The following CFAP299 variants were observed in gnomAD, a reference collection of about 807,000 sequenced individuals.
CFAP299 encodes the protein cilia and flagella associated protein 299.
CFAP299 carries 21 observed loss-of-function variants against 27.0 expected under a neutral mutation model. That is an observed-to-expected ratio of 0.78 (90% CI 0.55 to 1.12). The LOEUF (loss-of-function observed/expected upper bound fraction) is 1.12. Among genes scored for constraint, CFAP299 ranks in the 50% most tolerant of loss-of-function variants. The probability of loss-of-function intolerance (pLI) is 0.00; values close to 1 mark genes in which losing one functional copy is unlikely to be tolerated. For synonymous variants in CFAP299, 104 were observed against 98.1 expected, an observed-to-expected ratio of 1.06 and a Z score of -0.36; for missense variants, 310 against 276.6, an observed-to-expected ratio of 1.12 and a Z score of -0.86.
intron 1 of CFAP299, among the ~76,000 whole-genome samples, chr4:80,345,355 A>G (rs1201228064): frequency 1.3e-5 from 2 of 152,014 alleles, no homozygotes; most frequent in African/African-American, 4.8e-5. Context: ...TATATGTGCC[A>G]TGTTGGTGTG....
chr4:80,564,887 TA>T (rs1172816130), intron 2 of CFAP299, among the ~76,000 whole-genome samples: 1 of 151,902 alleles, frequency 6.6e-6, no homozygotes, highest in Non-Finnish European at 1.5e-5. Flanking sequence ...AAAAAATATT[TA>T]AAAAGTAATC....
At chr4:80,689,296 G>T (rs910059040) in intron 3 of CFAP299, among the ~76,000 whole-genome samples, 11 of 151,560 alleles carry the variant, frequency 7.3e-5, no homozygotes, top group African/African-American at 2.4e-4. Context: ...CAGAGAGAAA[G>T]GTCGGGTTAC....
At chr4:80,525,720 A>G (rs1386636093) in intron 2 of CFAP299, among the ~76,000 whole-genome samples, 1 of 152,080 alleles carries the variant, frequency 6.6e-6, no homozygotes, top group African/African-American at 2.4e-5. Flanking sequence ...TCCTCTTGCC[A>G]CAGGGTCTCT....
At chr4:80,518,941 G>T (rs987266065) in intron 2 of CFAP299, among the ~76,000 whole-genome samples, 19 of 152,214 alleles carry the variant, frequency 1.2e-4, no homozygotes, top group African/African-American at 4.1e-4. Flanking sequence ...AAAAGTACTG[G>T]CAAGTGAAGT....
chr4:80,799,225 AT>A (rs1380739294), intron 3 of CFAP299, among the ~76,000 whole-genome samples: 2 of 117,124 alleles, frequency 1.7e-5, no homozygotes, highest in Admixed American at 2.4e-4. Flanking sequence ...GTATAAATAT[AT>A]TTATATAATA....
At chr4:80,658,802 G>C (rs1373136174) in intron 3 of CFAP299, among the ~76,000 whole-genome samples, 2 of 152,130 alleles carry the variant, frequency 1.3e-5, no homozygotes, top group African/African-American at 4.8e-5. Flanking sequence ...TTAGTGACAA[G>C]TGTGTTGAAA....
In CFAP299 at chr4:80,559,965, G is replaced by A. The variant is rs376909300; in HGVS notation, c.243-23128G>A. Among the ~76,000 whole-genome samples, 773 of 152,244 alleles carry A rather than the reference G, an allele frequency of 5.1e-3. 5 individuals carry two copies. The highest frequency in any genetic ancestry group is 0.02 in the Middle Eastern group (6 of 294). On this transcript the variant is annotated intron_variant, in intron 2 of 5. Transcript: ENST00000358105. The stretch of plus-strand genomic sequence containing the variant: ...TAGGCCTAGAGACAGTGGACTAAGG[G>A]ATCACATAACATACTGAGACACCAG...
intron 3 of CFAP299, among the ~76,000 whole-genome samples, chr4:80,769,900 G>T (rs1190749546): frequency 6.6e-6 from 1 of 152,132 alleles, no homozygotes; most frequent in Non-Finnish European, 1.5e-5. Context: ...CTGTCTTCTT[G>T]CTTATTATCA....
intron 2 of CFAP299, among the ~76,000 whole-genome samples, chr4:80,363,303 T>C (rs1723644452): frequency 6.6e-6 from 1 of 152,318 alleles, no homozygotes; most frequent in South Asian, 2.1e-4. Flanking sequence ...CACTAACTTT[T>C]GTTTATATGC....
At chr4:80,616,182 A>G (rs1738264439) in intron 3 of CFAP299, among the ~76,000 whole-genome samples, 1 of 152,120 alleles carries the variant, frequency 6.6e-6, no homozygotes, top group Admixed American at 6.6e-5. Flanking sequence ...TCACCTGTGT[A>G]TCTATGGTGC....
chr4:80,370,539 A>G (rs754624020), intron 2 of CFAP299, among the ~76,000 whole-genome samples: 8 of 152,250 alleles, frequency 5.3e-5, no homozygotes, highest in Non-Finnish European at 1.0e-4. Context: ...TCCAGGATAC[A>G]ATGGGGGATA....
In CFAP299 at chr4:80,362,840, A is replaced by G; in HGVS notation, c.198A>G (p.Lys66=). Residue 66 remains lysine (K), a synonymous_variant, in exon 2 of 6, where the codon AAA becomes AAG. Transcript: ENST00000358105. ...RVKREDFEAR[K]AAIEIARLAE... is the part of the protein sequence containing the mutation. ...AAAGGGAAGATTTTGAAGCAAGGAA[A>G]GCGGCTATAGAGATTGCAAGACTGG... is the stretch of plus-strand genomic sequence containing the variant. 2 of 1,613,104 alleles carry G rather than the reference A, an allele frequency of 1.2e-6. No individual in the cohort carries two copies. The highest frequency in any genetic ancestry group is 1.7e-6 in the Non-Finnish European group (2 of 1,179,768).
At chr4:80,451,403 A>G (rs1035613050) in intron 2 of CFAP299, among the ~76,000 whole-genome samples, 8 of 152,226 alleles carry the variant, frequency 5.3e-5, no homozygotes, top group African/African-American at 1.9e-4. Context: ...GACATCAACA[A>G]ACACATGAAT....
Position 80,362,809 on chromosome 4 carries a change from G to A in CFAP299, c.167G>A (p.Arg56Lys), listed in dbSNP as rs754991557. The A allele has an allele frequency of 1.9e-6, 3 of 1,613,380 alleles. No individual in the cohort carries two copies. The Middle Eastern group carries it at 4.9e-4, about 265-fold the overall frequency. Reference sequence around the variant, plus strand: ...CTAGGCTACCGAGGGACTGGAGAGAGAGTGAAAAGGGAAGATTTTGAAGCA... The same window carrying A: ...CTAGGCTACCGAGGGACTGGAGAGAAAGTGAAAAGGGAAGATTTTGAAGCA... Reference protein sequence around the residue: ...VELGYRGTGERVKREDFEARK... With the variant: ...VELGYRGTGEKVKREDFEARK... Residue 56 changes from arginine to lysine, a missense_variant, in exon 2 of 6, where the codon AGA becomes AAA. Transcript: ENST00000358105.
chr4:80,876,158 AATATT>A (rs1282771295), intron 4 of CFAP299, among the ~76,000 whole-genome samples: 12 of 148,476 alleles, frequency 8.1e-5, no homozygotes, highest in African/African-American at 2.2e-4. Context: ...TACATTTATA[AATATT>A]ATATTATATA....
At chr4:80,940,264 C>A (rs967237740) in intron 4 of CFAP299, among the ~76,000 whole-genome samples, 1 of 152,110 alleles carries the variant, frequency 6.6e-6, no homozygotes, top group Non-Finnish European at 1.5e-5. Flanking sequence ...TAGTTCCCCC[C>A]AAGACTATTT....
chr4:80,860,805 T>C (rs1732286197), intron 3 of CFAP299, among the ~76,000 whole-genome samples: 1 of 152,186 alleles, frequency 6.6e-6, no homozygotes, highest in South Asian at 2.1e-4. Context: ...GTGTGAGGTG[T>C]CAGTCTGCCC....
At chr4:80,443,635 C>T (rs1351843360) in intron 2 of CFAP299, among the ~76,000 whole-genome samples, 1 of 152,138 alleles carries the variant, frequency 6.6e-6, no homozygotes, top group East Asian at 1.9e-4. Flanking sequence ...CAAGGATGCC[C>T]TCTCTCACCA....
In CFAP299 at chr4:80,797,830, T is replaced by A. The variant is rs115785436; in HGVS notation, c.334-72163T>A. Among the ~76,000 whole-genome samples the A allele has an allele frequency of 6.0e-3, 911 of 152,262 alleles. 8 individuals carry two copies. Among genetic ancestry groups the A allele is most frequent in the African/African-American group, 0.02 (851 of 41,576 alleles). On this transcript the variant is annotated intron_variant, in intron 3 of 5. Coordinates refer to ENST00000358105, the MANE Select transcript of CFAP299 (RefSeq NM_152770.3). ...ATCCCAATCTCCCCAAGCCTCTGGA[T>A]CCCTTCCTCTAAATTAAGCCAAAGG...
Sources: allele counts gnomAD v4.1 joint callset (sites outside exome capture counted in the v4.1 genomes callset), GRCh38; gene constraint gnomAD v4.1.1; transcripts MANE v1.5; gene names NCBI Gene and HGNC (gene_info 2026-07-23, HGNC 2026-07-21).